ASTN2: variants seen among roughly 807,000 people sequenced by gnomAD.
ASTN2 encodes the protein astrotactin 2.
In ASTN2, 54 loss-of-function variants were observed where a neutral mutation model predicts 139.8. That is an observed-to-expected ratio of 0.39 (90% CI 0.31 to 0.48). The LOEUF is 0.48. ASTN2 is among the 20% of genes least tolerant of loss of function. The pLI is 0.95. For missense variants in ASTN2, 1,565 were observed against 1,725.1 expected (o/e 0.91, Z 1.64); for synonymous variants, 756 against 719.5 (o/e 1.05, Z -0.81).
chr9:117,214,354 T>G lies in ASTN2; in HGVS notation c.1015+4A>C. ...GAAAATGGGCTGTGACATGGAGGAC[T>G]CACCTTTCTTCTCAAAGTCCACCTT... On this transcript the variant is annotated splice_donor_region_variant and intron_variant, in intron 3 of 22. Transcript: ENST00000313400. 6.3e-7 allele frequency: 1 copy of G among 1,578,348 alleles called. No individual in the cohort carries two copies. The highest frequency in any genetic ancestry group is 8.7e-7 in the Non-Finnish European group (1 of 1,153,374).
chr9:116,739,201 T>G (rs1390730156), intron 13 of ASTN2, among the ~76,000 whole-genome samples: 3 of 152,074 alleles, frequency 2.0e-5, no homozygotes, highest in Non-Finnish European at 4.4e-5. Context: ...AGCTCTAACC[T>G]TTTTCAGGAA....
chr9:117,012,498 C>T (rs1837564981), intron 6 of ASTN2, among the ~76,000 whole-genome samples: 2 of 152,170 alleles, frequency 1.3e-5, no homozygotes, highest in Non-Finnish European at 2.9e-5. Context: ...AAGAAATGGG[C>T]TTAATCCATT....
intron 3 of ASTN2, among the ~76,000 whole-genome samples, chr9:117,182,549 A>G (rs1831101617): frequency 6.6e-6 from 1 of 152,164 alleles, no homozygotes. Flanking sequence ...ATAAGGTCCA[A>G]ATGTAGCCGG....
At chr9:116,844,555 A>T (rs1832368137) in intron 11 of ASTN2, among the ~76,000 whole-genome samples, 1 of 152,066 alleles carries the variant, frequency 6.6e-6, no homozygotes, top group African/African-American at 2.4e-5. Flanking sequence ...AACTTCCTCA[A>T]AGTAAAATGA....
intron 3 of ASTN2, among the ~76,000 whole-genome samples, chr9:117,212,352 A>C (rs1832161996): frequency 7.6e-6 from 1 of 131,224 alleles, no homozygotes; most frequent in South Asian, 2.3e-4. Context: ...GTCTGAAAAA[A>C]GATTTTGTAA....
At chr9:117,397,024 C>T (rs1380997078) in intron 1 of ASTN2, among the ~76,000 whole-genome samples, 1 of 150,282 alleles carries the variant, frequency 6.7e-6, no homozygotes, top group Non-Finnish European at 1.5e-5. Context: ...TCACTGCAAC[C>T]TCTGCATCTC....
chr9:116,837,624 T>C (rs1832045587), intron 11 of ASTN2, among the ~76,000 whole-genome samples: 1 of 152,214 alleles, frequency 6.6e-6, no homozygotes, highest in African/African-American at 2.4e-5. Flanking sequence ...TTGCTCTGAG[T>C]ACAAAATTTG....
At chr9:117,006,843 G>T in intron 7 of ASTN2, among the ~76,000 whole-genome samples, 1 of 152,236 alleles carries the variant, frequency 6.6e-6, no homozygotes, top group East Asian at 1.9e-4. Context: ...TAGGCTGGGC[G>T]TGATGGCTCA....
intron 10 of ASTN2, among the ~76,000 whole-genome samples, chr9:116,955,277 C>T (rs1361421188): frequency 2.0e-5 from 3 of 152,156 alleles, no homozygotes; most frequent in African/African-American, 7.2e-5. Context: ...GTCCTTGGTT[C>T]ATAAAAAGTC....
At position 117,376,938 on chromosome 9, in the gene ASTN2, A is replaced by C. The variant is rs113926529; in HGVS notation, c.442+37559T>G. ...GCTAGCTGTGCAACTAATCTTTAAA[A>C]AAAAACAACCACTCCCTTCTCTTGC... On this transcript the variant is annotated intron_variant, in intron 1 of 22. Coordinates refer to ENST00000313400, the MANE Select transcript of ASTN2 (RefSeq NM_001365068.1). Among the ~76,000 whole-genome samples the C allele has an allele frequency of 4.6e-3, 708 of 152,282 alleles. 8 individuals are homozygous for C. Among genetic ancestry groups the C allele is most frequent in the African/African-American group, 0.016 (673 of 41,562 alleles).
At chr9:117,357,317 T>G (rs1829567062) in intron 1 of ASTN2, among the ~76,000 whole-genome samples, 1 of 152,152 alleles carries the variant, frequency 6.6e-6, no homozygotes, top group Admixed American at 6.5e-5. Flanking sequence ...ATGTTTTTAT[T>G]AAGGAAGGAT....
At chr9:117,297,402 A>C (rs983217691) in intron 1 of ASTN2, among the ~76,000 whole-genome samples, 1 of 152,202 alleles carries the variant, frequency 6.6e-6, no homozygotes, top group African/African-American at 2.4e-5. Context: ...GAGCCTGGGA[A>C]ATAATCGCAA....
At chr9:117,360,905 C>G (rs1054700376) in intron 1 of ASTN2, among the ~76,000 whole-genome samples, 8 of 152,166 alleles carry the variant, frequency 5.3e-5, no homozygotes, top group Admixed American at 6.5e-5. Flanking sequence ...CTAATAGAAA[C>G]AGTTTTTTTC....
In ASTN2 at chr9:116,650,917, A is replaced by G. The variant is rs1041200278; in HGVS notation, c.3072+611T>C. Reference sequence around the variant, plus strand: ...AAGGAACAGGCTGAGTCCCTGCACTACTTTTTTTTTTTTTTTTAAACCAAG... The same window carrying G: ...AAGGAACAGGCTGAGTCCCTGCACTGCTTTTTTTTTTTTTTTTAAACCAAG... On this transcript the variant is annotated intron_variant, in intron 17 of 22. Coordinates refer to ENST00000313400, the MANE Select transcript of ASTN2 (RefSeq NM_001365068.1). Among the ~76,000 whole-genome samples the G allele has an allele frequency of 2.1e-5, 3 of 144,346 alleles. No homozygotes were observed. In the South Asian group the frequency reaches 6.4e-4, roughly 31 times the overall value. 94.7% of individuals were successfully genotyped at this position (144,346 alleles called of 152,430 possible).
At chr9:116,779,050 C>T (rs1048858210) in intron 13 of ASTN2, among the ~76,000 whole-genome samples, 6 of 152,238 alleles carry the variant, frequency 3.9e-5, no homozygotes, top group Non-Finnish European at 5.9e-5. Context: ...GTTTAAGAAA[C>T]CTGTAACAAA....
chr9:117,395,808 A>G (rs1830662031), intron 1 of ASTN2, among the ~76,000 whole-genome samples: 1 of 152,202 alleles, frequency 6.6e-6, no homozygotes, highest in African/African-American at 2.4e-5. Flanking sequence ...CTTGAAAGAG[A>G]ATGCCTGTTG....
intron 2 of ASTN2, among the ~76,000 whole-genome samples, chr9:117,280,557 C>G (rs1834301364): frequency 6.6e-6 from 1 of 152,040 alleles, no homozygotes. Flanking sequence ...CGTTCAATAG[C>G]CCAAACCAAG....
At chr9:117,321,627 G>A (rs1317510626) in intron 1 of ASTN2, among the ~76,000 whole-genome samples, 1 of 152,164 alleles carries the variant, frequency 6.6e-6, no homozygotes, top group Non-Finnish European at 1.5e-5. Flanking sequence ...GACAAAACTA[G>A]CGGATATTTG....
intron 20 of ASTN2, among the ~76,000 whole-genome samples, chr9:116,447,947 G>T (rs971756344): frequency 1.3e-5 from 2 of 152,172 alleles, no homozygotes; most frequent in African/African-American, 2.4e-5. Context: ...CCTCCTCACA[G>T]CAGGGGTGAG....
Sources: gnomAD v4.1 joint callset for allele counts (sites outside exome capture counted in the v4.1 genomes callset) on GRCh38, gnomAD v4.1.1 for gene constraint, MANE v1.5 for transcripts, NCBI Gene and HGNC (gene_info 2026-07-23, HGNC 2026-07-21) for gene names.